POLN: variants seen among roughly 807,000 people sequenced by gnomAD.
The protein encoded by POLN is DNA polymerase N.
A neutral mutation model predicts 113.5 loss-of-function variants in POLN; 108 were observed. The ratio of observed to expected loss-of-function variants is 0.95; its 90% CI spans 0.81 to 1.12. POLN has a LOEUF of 1.12. Among genes scored for constraint, POLN ranks in the 50% most tolerant of loss-of-function variants. The pLI, the probability that POLN is intolerant of heterozygous loss-of-function variation, is 0.00. For synonymous variants in POLN, 386 were observed against 391.5 expected, an observed-to-expected ratio of 0.99 and a Z score of 0.17; for missense variants, 1,097 against 1,077.1, an observed-to-expected ratio of 1.02 and a Z score of -0.26.
chr4:2,126,661 A>T lies in POLN; in HGVS notation c.1982+1452T>A, dbSNP rs963186117. On this transcript the variant is annotated intron_variant, in intron 19 of 25. Coordinates refer to ENST00000511885, the MANE Select transcript of POLN (RefSeq NM_181808.4). The surrounding 1 kb of genome is among the most constrained non-coding windows in gnomAD (Gnocchi z 4.6). Reference sequence around the variant, plus strand: ...AGAGAGGAGCGGCGCCGTGCCCAGCATCAGGGGAGGGTGGTCAGGGGAGGG... The same window carrying T: ...AGAGAGGAGCGGCGCCGTGCCCAGCTTCAGGGGAGGGTGGTCAGGGGAGGG... 3.9e-5 allele frequency among the ~76,000 whole-genome samples: 6 copies of T among 152,084 alleles called. No individual in the cohort carries two copies. The highest frequency in any genetic ancestry group is 7.4e-5 in the Non-Finnish European group (5 of 68,012).
chr4:2,185,002 G>C (rs533917070), intron 7 of POLN, among the ~76,000 whole-genome samples: 56 of 152,222 alleles, frequency 3.7e-4, no homozygotes, highest in African/African-American at 1.3e-3. Context: ...TCTATATGAA[G>C]TGTACTTAGG....
chr4:2,203,724 A>G (rs1208335282), intron 5 of POLN, among the ~76,000 whole-genome samples: 3 of 152,156 alleles, frequency 2.0e-5, no homozygotes, highest in African/African-American at 7.2e-5. Context: ...AAACAAGAAC[A>G]AACCAAACCC....
chr4:2,202,590 G>A (rs1429214265), intron 5 of POLN, among the ~76,000 whole-genome samples: 1 of 151,964 alleles, frequency 6.6e-6, no homozygotes, highest in Non-Finnish European at 1.5e-5. Flanking sequence ...CAGGCGTGGT[G>A]GCTTGCTCCT....
chr4:2,090,111 A>G (rs1044969974), intron 20 of POLN: 3 of 957,058 alleles, frequency 3.1e-6, no homozygotes, highest in African/African-American at 3.3e-5. Context: ...TATAATCCAA[A>G]TGATTTGCTA....
intron 13 of POLN, 39 bp downstream of exon 13, chr4:2,170,640 G>T: frequency 6.4e-7 from 1 of 1,553,956 alleles, no homozygotes; most frequent in Non-Finnish European, 8.9e-7. Flanking sequence ...CAGACATGCT[G>T]TCATTCTAAA....
At chr4:2,153,050 C>T (rs1012651932) in intron 16 of POLN, among the ~76,000 whole-genome samples, 1 of 152,222 alleles carries the variant, frequency 6.6e-6, no homozygotes, top group African/African-American at 2.4e-5. Context: ...TTCATTGCAG[C>T]TTTACTTTTA....
chr4:2,112,952 C>A (rs956987770), intron 19 of POLN, among the ~76,000 whole-genome samples: 6 of 152,146 alleles, frequency 3.9e-5, no homozygotes, highest in Non-Finnish European at 8.8e-5. Flanking sequence ...TTTATTGTGG[C>A]ACTATTCCCA....
intron 19 of POLN, among the ~76,000 whole-genome samples, chr4:2,107,758 C>T (rs1731100595): frequency 1.3e-5 from 2 of 152,314 alleles, no homozygotes; most frequent in South Asian, 4.1e-4. Flanking sequence ...TCCCTCCAGA[C>T]CCACTGAGTT....
At chr4:2,240,091 T>C in intron 2 of POLN, 1 of 1,614,102 alleles carries the variant, frequency 6.2e-7, no homozygotes, top group Non-Finnish European at 8.5e-7. Flanking sequence ...CTTGACTTCA[T>C]GCTCGAATTA....
At position 2,229,094 on chromosome 4, in the gene POLN, C is replaced by G. The variant is rs1275736707; in HGVS notation, c.133+5G>C. 2 of 1,577,194 alleles carry G rather than the reference C, an allele frequency of 1.3e-6. No homozygotes were observed. Among genetic ancestry groups the G allele is most frequent in the African/African-American group, 1.4e-5 (1 of 72,904 alleles). Reference sequence around the variant, plus strand: ...GAGAAAGAAAGGTTCATAAAAATTACTTACTCTCTGTACTCTTTCCCCAAG... The same window carrying G: ...GAGAAAGAAAGGTTCATAAAAATTAGTTACTCTCTGTACTCTTTCCCCAAG... On this transcript the variant is annotated splice_donor_5th_base_variant and intron_variant, in intron 3 of 25. Transcript: ENST00000511885.
intron 15 of POLN, among the ~76,000 whole-genome samples, chr4:2,157,647 C>T (rs961249277): frequency 1.4e-5 from 2 of 146,232 alleles, no homozygotes; most frequent in Admixed American, 7.0e-5. Context: ...TGCTTGGAGC[C>T]GGGAGGCAGA....
intron 7 of POLN, among the ~76,000 whole-genome samples, chr4:2,186,564 A>G (rs759379654): frequency 8.5e-5 from 13 of 152,206 alleles, no homozygotes; most frequent in Non-Finnish European, 1.6e-4. Flanking sequence ...GCTGAAAAGG[A>G]AGCAAGGACC....
At chr4:2,075,043 C>A (rs934148510) in intron 24 of POLN, among the ~76,000 whole-genome samples, 8 of 152,176 alleles carry the variant, frequency 5.3e-5, no homozygotes, top group African/African-American at 1.9e-4. Context: ...ACTCCAACAC[C>A]CCCAACAAGA....
At position 2,080,141 on chromosome 4, in the gene POLN, G is replaced by A. The variant is rs529880220; in HGVS notation, c.2387+817C>T. ...CTGGGGCAGGTTAGCTCCCAGAAGG[G>A]GCTCCGGGACTCCTGAGGGGATCCC... On this transcript the variant is annotated intron_variant, in intron 23 of 25. Coordinates refer to ENST00000511885, the MANE Select transcript of POLN (RefSeq NM_181808.4). 1.0e-5 allele frequency: 10 copies of A among 985,674 alleles called. No individual in the cohort carries two copies. The African/African-American group carries it at 1.7e-4, about 17-fold the overall frequency. The allele number at this position is 985,674 out of a possible 1,614,324, so 61.1% of individuals were successfully genotyped here. A position where few individuals can be genotyped will look rare whatever the true frequency, so the allele number is the denominator to read the frequency against.
At chr4:2,226,533 T>C (rs1734398775) in intron 3 of POLN, among the ~76,000 whole-genome samples, 1 of 152,242 alleles carries the variant, frequency 6.6e-6, no homozygotes, top group Non-Finnish European at 1.5e-5. Flanking sequence ...GATGTTCTCT[T>C]ACATTAATGT....
rs1730167845 is a variant in POLN, at chr4:2,072,358, C to T, written c.2518-59G>A. The T allele has an allele frequency of 2.1e-6, 3 of 1,427,854 alleles. No homozygotes were observed. In the South Asian group the frequency reaches 4.4e-5, roughly 21 times the overall value. 88.4% of individuals were successfully genotyped at this position (1,427,854 alleles called of 1,614,324 possible). A position where few individuals can be genotyped will look rare whatever the true frequency, so the allele number is the denominator to read the frequency against. On this transcript the variant is annotated intron_variant, in intron 25 of 25. Coordinates refer to ENST00000511885, the MANE Select transcript of POLN (RefSeq NM_181808.4). ...TGGGCCAGCCACCCCCAGCCACCTCCCAGACCCCAAGCAGGGGGACAGGGC... is the reference window on the plus strand; with the variant it reads ...TGGGCCAGCCACCCCCAGCCACCTCTCAGACCCCAAGCAGGGGGACAGGGC...
intron 19 of POLN, among the ~76,000 whole-genome samples, chr4:2,105,337 T>A (rs915597252): frequency 6.6e-6 from 1 of 152,168 alleles, no homozygotes; most frequent in African/African-American, 2.4e-5. Context: ...TCTGCCTTTT[T>A]TTCCCCTACA....
At position 2,126,583 on chromosome 4, in the gene POLN, C is replaced by A. The variant is rs960974377; in HGVS notation, c.1982+1530G>T. Among the ~76,000 whole-genome samples the A allele has an allele frequency of 6.6e-6, 1 of 151,932 alleles. No individual in the cohort carries two copies. The highest frequency in any genetic ancestry group is 1.5e-5 in the Non-Finnish European group (1 of 67,964). ...AGCAGAGACCAGAGAGGAGCGGAGA[C>A]CAGAGAGAAGCGGAGACCAGAGAGG... is the stretch of plus-strand genomic sequence containing the variant. On this transcript the variant is annotated intron_variant, in intron 19 of 25. Transcript: ENST00000511885. This position sits in a 1 kb window ranked among gnomAD's most constrained non-coding sequence, Gnocchi z 4.6.
chr4:2,153,725 G>A (rs62288015), intron 16 of POLN, among the ~76,000 whole-genome samples: 11,884 of 151,584 alleles, frequency 0.078, 698 homozygotes, highest in African/African-American at 0.15. Flanking sequence ...TGGGACCACA[G>A]GCGCCCACTA....
Sources: allele counts gnomAD v4.1 joint callset (sites outside exome capture counted in the v4.1 genomes callset), GRCh38; gene constraint gnomAD v4.1.1; non-coding constraint Gnocchi (gnomAD v3.1); transcripts MANE v1.5; gene names NCBI Gene and HGNC (gene_info 2026-07-23, HGNC 2026-07-21).